The following SLC7A1 variants were observed in gnomAD, a reference collection of about 807,000 sequenced individuals.
The protein encoded by SLC7A1 is solute carrier family 7 member 1.
SLC7A1 carries 10 observed loss-of-function variants against 53.9 expected under a neutral mutation model. The observed-to-expected ratio is 0.19, with a 90% CI of 0.11 to 0.31. The LOEUF (loss-of-function observed/expected upper bound fraction) is 0.31. Ranked by LOEUF, SLC7A1 falls within the 10% of genes least tolerant of loss-of-function variation. The pLI is 1.00. For synonymous variants in SLC7A1, 342 were observed against 338.7 expected, an observed-to-expected ratio of 1.01 and a Z score of -0.11; for missense variants, 525 against 827.2, an observed-to-expected ratio of 0.63 and a Z score of 4.48.
chr13:29,564,235 A>G (rs1464593299), intron 1 of SLC7A1, among the ~76,000 whole-genome samples: 1 of 152,104 alleles, frequency 6.6e-6, no homozygotes, highest in Admixed American at 6.6e-5. Context: ...CCAACAATAA[A>G]TGCACCCGTG....
rs1872139356 is a variant in SLC7A1 at position 29,592,219 on chromosome 13, T to C, written c.-115+3197A>G. Among the ~76,000 whole-genome samples the C allele has an allele frequency of 3.3e-5, 5 of 152,286 alleles. No individual in the cohort carries two copies. The South Asian group carries it at 1.0e-3, about 32-fold the overall frequency. On this transcript the variant is annotated intron_variant, in intron 1 of 12. Coordinates refer to ENST00000380752, the MANE Select transcript of SLC7A1 (RefSeq NM_003045.5). ...AGTCACACGGCTCTGATTCCAGTTATCCAGTGTGTTCACCAAATGCAATAC... is the reference window on the plus strand; with the variant it reads ...AGTCACACGGCTCTGATTCCAGTTACCCAGTGTGTTCACCAAATGCAATAC...
chr13:29,576,302 A>AAAAAAAAG (rs760918257), intron 1 of SLC7A1, among the ~76,000 whole-genome samples: 6 of 151,228 alleles, frequency 4.0e-5, no homozygotes, highest in African/African-American at 1.5e-4. Context: ...TTAAAAAAAA[A>AAAAAAAAG]AAAAAGGAAA....
At chr13:29,528,094 A>G (rs1233226866) in intron 5 of SLC7A1, among the ~76,000 whole-genome samples, 1 of 152,246 alleles carries the variant, frequency 6.6e-6, no homozygotes, top group African/African-American at 2.4e-5. Context: ...GAGCTGGAGA[A>G]GCCGCCTTCA....
intron 7 of SLC7A1, 50 bp downstream of exon 7, chr13:29,523,216 C>T: frequency 1.3e-6 from 2 of 1,492,214 alleles, no homozygotes; most frequent in South Asian, 1.1e-5. Flanking sequence ...AGCCTAACCC[C>T]TGCTGGTGGT....
chr13:29,531,805 G>C (rs1249941156), intron 4 of SLC7A1, among the ~76,000 whole-genome samples: 1 of 152,122 alleles, frequency 6.6e-6, no homozygotes, highest in Non-Finnish European at 1.5e-5. Context: ...CTGCACTCCA[G>C]CCTGGGTGAC....
At chr13:29,583,979 G>A (rs892875424) in intron 1 of SLC7A1, among the ~76,000 whole-genome samples, 6 of 152,166 alleles carry the variant, frequency 3.9e-5, no homozygotes, top group Non-Finnish European at 7.3e-5. Context: ...ATAGATTTGT[G>A]GGGGAAGTGT....
At chr13:29,526,229 C>A (rs1403136758) in intron 5 of SLC7A1, among the ~76,000 whole-genome samples, 3 of 152,190 alleles carry the variant, frequency 2.0e-5, no homozygotes, top group Non-Finnish European at 4.4e-5. Flanking sequence ...CTATGGGAGG[C>A]CGAGGCGGGA....
intron 1 of SLC7A1, among the ~76,000 whole-genome samples, chr13:29,566,520 A>T (rs1870973436): frequency 6.6e-6 from 1 of 152,248 alleles, no homozygotes; most frequent in Non-Finnish European, 1.5e-5. Context: ...AAGAAGCCAG[A>T]CATAAAGGGT....
rs61260908 is a variant in SLC7A1, at chr13:29,525,670, T to C, written c.705-1417A>G. Among the ~76,000 whole-genome samples the C allele has an allele frequency of 5.4e-3, 829 of 152,302 alleles. 8 individuals are homozygous for C. Among genetic ancestry groups the C allele is most frequent in the African/African-American group, 0.019 (774 of 41,546 alleles). On this transcript the variant is annotated intron_variant, in intron 5 of 12. Coordinates refer to ENST00000380752, the MANE Select transcript of SLC7A1 (RefSeq NM_003045.5). ...CATGAAGACGCTGGAAGTACATGCA[T>C]GAGAAAGCTCATGTAGATGTGGGGT... is the stretch of plus-strand genomic sequence containing the variant.
chr13:29,543,731 G>T (rs1428931490), intron 2 of SLC7A1, among the ~76,000 whole-genome samples: 1 of 149,706 alleles, frequency 6.7e-6, no homozygotes, highest in Non-Finnish European at 1.5e-5. Context: ...GGGATCACAG[G>T]TTCCGCAGGA....
intron 1 of SLC7A1, among the ~76,000 whole-genome samples, chr13:29,557,157 C>T (rs372703919): frequency 1.3e-5 from 2 of 152,164 alleles, no homozygotes; most frequent in Non-Finnish European, 2.9e-5. Context: ...TGCAATGCTA[C>T]GCCTCAGACG....
chr13:29,589,321 T>C (rs893936723), intron 1 of SLC7A1, among the ~76,000 whole-genome samples: 2 of 152,170 alleles, frequency 1.3e-5, no homozygotes, highest in Non-Finnish European at 2.9e-5. Flanking sequence ...TCTCCCCAGG[T>C]GGAGATGGAG....
intron 1 of SLC7A1, among the ~76,000 whole-genome samples, chr13:29,560,160 T>C (rs1463680480): frequency 6.6e-6 from 1 of 152,152 alleles, no homozygotes; most frequent in Non-Finnish European, 1.5e-5. Context: ...TTTTCAACTT[T>C]TTTCTTAAAA....
chr13:29,586,961 C>T (rs948463113), intron 1 of SLC7A1, among the ~76,000 whole-genome samples: 3 of 152,226 alleles, frequency 2.0e-5, no homozygotes, highest in African/African-American at 4.8e-5. Context: ...AGCTCTGGCC[C>T]GTCCAGGTTG....
chr13:29,544,426 C>A (rs974651111), intron 2 of SLC7A1, among the ~76,000 whole-genome samples: 7 of 152,204 alleles, frequency 4.6e-5, no homozygotes, highest in Admixed American at 2.6e-4. Context: ...CACCTAACAT[C>A]CTGGAGCACC....
rs1883450857 is a variant in SLC7A1 at position 29,513,340 on chromosome 13, A to G, written c.*1140T>C. The stretch of plus-strand genomic sequence containing the variant: ...ATAGGACAGCCGCAGGGGTGATGAC[A>G]TGGCCATTTCCAAGTTAATGTTATG... On this transcript the variant is annotated 3_prime_UTR_variant, in exon 13 of 13. Transcript: ENST00000380752. The G allele has an allele frequency of 6.5e-6, 1 of 152,694 alleles. No homozygotes were observed. The highest frequency in any genetic ancestry group is 2.4e-5 in the African/African-American group (1 of 41,474). 9.5% of individuals were successfully genotyped at this position (152,694 alleles called of 1,614,324 possible).
chr13:29,571,951 C>T (rs1871213490), intron 1 of SLC7A1, among the ~76,000 whole-genome samples: 1 of 152,246 alleles, frequency 6.6e-6, no homozygotes, highest in Non-Finnish European at 1.5e-5. Context: ...ACTTACATTT[C>T]TGTCCACCTA....
intron 1 of SLC7A1, among the ~76,000 whole-genome samples, chr13:29,565,833 T>G (rs1870945389): frequency 6.6e-6 from 1 of 152,184 alleles, no homozygotes; most frequent in Non-Finnish European, 1.5e-5. Context: ...CCTCTTCAAG[T>G]TATCCCCATC....
chr13:29,578,836 G>A (rs531764505), intron 1 of SLC7A1, among the ~76,000 whole-genome samples: 1 of 152,348 alleles, frequency 6.6e-6, no homozygotes, highest in South Asian at 2.1e-4. Flanking sequence ...CTTGTTCTCA[G>A]ACCCAAGGCC....
Sources: gnomAD v4.1 joint callset for allele counts (sites outside exome capture counted in the v4.1 genomes callset) on GRCh38, gnomAD v4.1.1 for gene constraint, MANE v1.5 for transcripts, NCBI Gene and HGNC (gene_info 2026-07-23, HGNC 2026-07-21) for gene names.